KCNK2: variants seen among roughly 807,000 people sequenced by gnomAD.
KCNK2 encodes the protein potassium channel subfamily K member 2.
A neutral mutation model predicts 40.5 loss-of-function variants in KCNK2; 21 were observed. The ratio of observed to expected loss-of-function variants is 0.52; its 90% CI spans 0.37 to 0.75. The LOEUF is 0.75. Among genes scored for constraint, KCNK2 ranks in the 30% least tolerant of loss-of-function variants. The pLI, the probability that KCNK2 is intolerant of heterozygous loss-of-function variation, is 0.00. For missense variants in KCNK2, 399 were observed against 531.6 expected, an observed-to-expected ratio of 0.75 and a Z score of 2.45; for synonymous variants, 191 against 202.2, an observed-to-expected ratio of 0.94 and a Z score of 0.47.
chr1:215,013,262 C>T (rs1016880073), intron 1 of KCNK2, among the ~76,000 whole-genome samples: 6 of 152,058 alleles, frequency 3.9e-5, no homozygotes, highest in African/African-American at 1.2e-4. Context: ...TATCAAATTG[C>T]CTTTGCACTT....
chr1:215,088,609 G>A (rs1468751990), intron 2 of KCNK2, among the ~76,000 whole-genome samples: 1 of 151,610 alleles, frequency 6.6e-6, no homozygotes, highest in African/African-American at 2.4e-5. Flanking sequence ...AGCGTTTCAG[G>A]ACAACACTGG....
chr1:215,094,020 A>G (rs1467618549), intron 2 of KCNK2, among the ~76,000 whole-genome samples: 2 of 143,302 alleles, frequency 1.4e-5, no homozygotes, highest in African/African-American at 5.2e-5. Flanking sequence ...ATTACTTTCA[A>G]TGGCCAAAAC....
chr1:215,107,030 AT>A (rs36102610), intron 2 of KCNK2, among the ~76,000 whole-genome samples: 113,606 of 148,570 alleles, frequency 0.76, 43,478 homozygotes, highest in Non-Finnish European at 0.79. Context: ...ATGCCTCTAG[AT>A]TTTTTTTTTT....
intron 3 of KCNK2, among the ~76,000 whole-genome samples, chr1:215,139,309 G>T (rs1662063765): frequency 1.3e-5 from 2 of 152,102 alleles, no homozygotes; most frequent in South Asian, 4.1e-4. Flanking sequence ...TTATACAAGT[G>T]AAGCTCACTA....
At chr1:215,058,706 C>G (rs981650732) in intron 1 of KCNK2, among the ~76,000 whole-genome samples, 1 of 152,164 alleles carries the variant, frequency 6.6e-6, no homozygotes, top group Non-Finnish European at 1.5e-5. Flanking sequence ...CCCCCCTGAC[C>G]TTTCCAATTT....
At chr1:215,182,326 A>G (rs1664252865) in intron 5 of KCNK2, among the ~76,000 whole-genome samples, 1 of 151,998 alleles carries the variant, frequency 6.6e-6, no homozygotes, top group Non-Finnish European at 1.5e-5. Flanking sequence ...CTAGGGTTGG[A>G]GTGGAGAGGG....
At chr1:215,011,282 A>G (rs1175050783) in intron 1 of KCNK2, among the ~76,000 whole-genome samples, 1 of 152,032 alleles carries the variant, frequency 6.6e-6, no homozygotes, top group Non-Finnish European at 1.5e-5. Context: ...ACAGTTTACA[A>G]TCTTTTGAGT....
At position 215,034,857 on chromosome 1, in the gene KCNK2, T is replaced by A. The variant is rs186830211; in HGVS notation, c.34+28902T>A. Among the ~76,000 whole-genome samples the A allele has an allele frequency of 3.4e-3, 521 of 152,274 alleles. 2 individuals are homozygous for A. The highest frequency in any genetic ancestry group is 0.012 in the African/African-American group (496 of 41,572). Reference sequence around the variant, plus strand: ...ATACATATCTCTATGTTTCTGTATCTACTTATCCGTAATATTTTAAAATAT... The same window carrying A: ...ATACATATCTCTATGTTTCTGTATCAACTTATCCGTAATATTTTAAAATAT... On this transcript the variant is annotated intron_variant, in intron 1 of 6. Coordinates refer to the KCNK2 transcript ENST00000391895.
intron 3 of KCNK2, among the ~76,000 whole-genome samples, chr1:215,132,210 GA>G (rs1213902569): frequency 6.6e-6 from 1 of 152,146 alleles, no homozygotes; most frequent in Non-Finnish European, 1.5e-5. Flanking sequence ...AAAGGATGAG[GA>G]AAAATTGTGT....
chr1:215,092,762 C>T (rs886344205), intron 2 of KCNK2, among the ~76,000 whole-genome samples: 1 of 152,188 alleles, frequency 6.6e-6, no homozygotes, highest in Non-Finnish European at 1.5e-5. Context: ...CAGAGTCTCA[C>T]CAAGACCAGG....
intron 3 of KCNK2, among the ~76,000 whole-genome samples, chr1:215,153,517 TA>T (rs1662775507): frequency 6.6e-6 from 1 of 152,056 alleles, no homozygotes; most frequent in Non-Finnish European, 1.5e-5. Flanking sequence ...GCAAAATCAT[TA>T]GGCCTTTGCA....
At chr1:215,165,900 T>C (rs958571950) in intron 3 of KCNK2, among the ~76,000 whole-genome samples, 4 of 152,170 alleles carry the variant, frequency 2.6e-5, no homozygotes, top group Admixed American at 2.6e-4. Flanking sequence ...GAATGATGGT[T>C]CCAGGAATGG....
At chr1:215,086,231 T>G (rs1309134420) in intron 1 of KCNK2, 137 bp from the exon 2 acceptor site, 3 of 668,546 alleles carry the variant, frequency 4.5e-6, no homozygotes, top group Non-Finnish European at 7.8e-6. Context: ...GTGACAGCAC[T>G]CCTGGTTTGG....
intron 1 of KCNK2, among the ~76,000 whole-genome samples, chr1:215,010,710 C>T (rs2102469921): frequency 6.6e-6 from 1 of 152,224 alleles, no homozygotes; most frequent in East Asian, 1.9e-4. Context: ...ACTTTTCATA[C>T]CTTGGCTTTC....
At chr1:215,110,524 T>G (rs1347682582) in intron 2 of KCNK2, among the ~76,000 whole-genome samples, 1 of 152,132 alleles carries the variant, frequency 6.6e-6, no homozygotes, top group Non-Finnish European at 1.5e-5. Flanking sequence ...TTTGATTATA[T>G]ATGCATAGCT....
intron 1 of KCNK2, among the ~76,000 whole-genome samples, chr1:215,017,121 A>G (rs1656620696): frequency 6.6e-6 from 1 of 152,182 alleles, no homozygotes; most frequent in African/African-American, 2.4e-5. Flanking sequence ...AAGAAAAGGG[A>G]ACTCTTACAC....
intron 3 of KCNK2, among the ~76,000 whole-genome samples, chr1:215,150,488 G>A (rs1437773246): frequency 6.6e-6 from 1 of 152,080 alleles, no homozygotes; most frequent in Non-Finnish European, 1.5e-5. Context: ...TTAGTATGCA[G>A]CATTTCTGAC....
At chr1:215,120,725 T>A (rs180958397) in intron 2 of KCNK2, among the ~76,000 whole-genome samples, 2 of 152,310 alleles carry the variant, frequency 1.3e-5, no homozygotes, top group East Asian at 3.9e-4. Context: ...TGATATATAT[T>A]TTTAAGCTAC....
At chr1:215,078,544 G>A (rs1248779954), upstream of KCNK2, among the ~76,000 whole-genome samples, 1 of 152,124 alleles carries the variant, frequency 6.6e-6, no homozygotes, top group Non-Finnish European at 1.5e-5. Flanking sequence ...AAAACCATCA[G>A]ATCTCATGAA....
Sources: allele counts gnomAD v4.1 joint callset (sites outside exome capture counted in the v4.1 genomes callset), GRCh38; gene constraint gnomAD v4.1.1; transcripts MANE v1.5; gene names NCBI Gene and HGNC (gene_info 2026-07-23, HGNC 2026-07-21).